PRKN: variants seen among roughly 807,000 people sequenced by gnomAD.
PRKN encodes parkin RBR E3 ubiquitin protein ligase.
PRKN carries 56 observed loss-of-function variants against 59.5 expected under a neutral mutation model. The observed-to-expected ratio is 0.94, with a 90% CI of 0.76 to 1.18. PRKN has a LOEUF of 1.18. PRKN is among the 50% of genes most tolerant of loss of function. The pLI, the probability that PRKN is intolerant of heterozygous loss-of-function variation, is 0.00. For missense variants in PRKN, 657 were observed against 596.4 expected, an observed-to-expected ratio of 1.10 and a Z score of -1.06; for synonymous variants, 250 against 222.1, an observed-to-expected ratio of 1.13 and a Z score of -1.12.
At chr6:161,910,622 G>T (rs1778324199) in intron 6 of PRKN, among the ~76,000 whole-genome samples, 1 of 152,196 alleles carries the variant, frequency 6.6e-6, no homozygotes, top group East Asian at 1.9e-4. Context: ...TGAGAGGAAT[G>T]ACTCCAATTT....
chr6:161,666,682 T>C (rs1311772863), intron 7 of PRKN, among the ~76,000 whole-genome samples: 3 of 152,230 alleles, frequency 2.0e-5, no homozygotes, highest in Non-Finnish European at 4.4e-5. Flanking sequence ...TTTTAAAACA[T>C]ATTTTATTAA....
rs1562356589 is a variant in PRKN at position 161,874,971 on chromosome 6, ATT to A, written c.735-89065_735-89064del. ...ATAGGTACTTTATATATAATATATA[ATT>A]TATTATATTATATACTTTATATATA... On this transcript the variant is annotated intron_variant, in intron 6 of 11. Transcript: ENST00000366898. Among the ~76,000 whole-genome samples, 407 of 105,918 alleles carry A rather than the reference ATT, an allele frequency of 3.8e-3. 24 individuals are homozygous for A. Among genetic ancestry groups the A allele is most frequent in the African/African-American group, 0.017 (387 of 22,280 alleles). 69.5% of individuals were successfully genotyped at this position (105,918 alleles called of 152,430 possible). A position where few individuals can be genotyped will look rare whatever the true frequency, so the allele number is the denominator to read the frequency against.
chr6:161,616,033 C>T lies in PRKN; in HGVS notation c.872-46617G>A, dbSNP rs1782680463. Among the ~76,000 whole-genome samples, 3 of 152,148 alleles carry T rather than the reference C, an allele frequency of 2.0e-5. No homozygotes were observed. In the South Asian group the frequency reaches 6.2e-4, roughly 32 times the overall value. On this transcript the variant is annotated intron_variant, in intron 7 of 11. Coordinates refer to ENST00000366898, the MANE Select transcript of PRKN (RefSeq NM_004562.3). Reference sequence around the variant, plus strand: ...GGGTCTCCCGTCTCTCTTCTGGCCGCTCTCTCTCCCCAGCCCTCCTCCTAG... The same window carrying T: ...GGGTCTCCCGTCTCTCTTCTGGCCGTTCTCTCTCCCCAGCCCTCCTCCTAG...
At chr6:162,014,181 A>T (rs1183019170) in intron 5 of PRKN, among the ~76,000 whole-genome samples, 1 of 152,172 alleles carries the variant, frequency 6.6e-6, no homozygotes. Context: ...ATCAGCAGAC[A>T]TGCATACTTT....
intron 7 of PRKN, among the ~76,000 whole-genome samples, chr6:161,743,929 T>C (rs558779029): frequency 6.1e-4 from 93 of 152,240 alleles, no homozygotes; most frequent in African/African-American, 2.1e-3. Context: ...GCGTCTTTGC[T>C]AGAAACAAGT....
intron 9 of PRKN, among the ~76,000 whole-genome samples, chr6:161,479,967 G>A (rs1371908220): frequency 1.3e-5 from 2 of 152,200 alleles, no homozygotes; most frequent in Admixed American, 1.3e-4. Context: ...TCATCCAGGT[G>A]AGAGCTTTAA....
chr6:161,504,053 A>G (rs1002954456), intron 9 of PRKN, among the ~76,000 whole-genome samples: 1 of 152,186 alleles, frequency 6.6e-6, no homozygotes, highest in African/African-American at 2.4e-5. Flanking sequence ...AAAGGTATTA[A>G]TATATTTAAA....
chr6:161,938,328 C>A (rs568553193), intron 6 of PRKN, among the ~76,000 whole-genome samples: 1 of 152,258 alleles, frequency 6.6e-6, no homozygotes, highest in Non-Finnish European at 1.5e-5. Flanking sequence ...ACATGTTATA[C>A]AGGTATAACC....
chr6:162,306,113 C>A (rs1032172807), intron 2 of PRKN, among the ~76,000 whole-genome samples: 15 of 151,666 alleles, frequency 9.9e-5, no homozygotes, highest in African/African-American at 2.7e-4. Context: ...CCCTTTCTCC[C>A]AAATAGTATA....
chr6:161,965,108 C>T (rs1562423496), intron 6 of PRKN, among the ~76,000 whole-genome samples: 1 of 152,038 alleles, frequency 6.6e-6, no homozygotes, highest in Non-Finnish European at 1.5e-5. Flanking sequence ...CATTCTCCCC[C>T]AGGAACACCT....
At chr6:161,406,127 CACACACATATATATACATATAT>C (rs1262385437) in intron 9 of PRKN, among the ~76,000 whole-genome samples, 2 of 151,572 alleles carry the variant, frequency 1.3e-5, no homozygotes, top group Non-Finnish European at 2.9e-5. Flanking sequence ...CACATATATA[CACACACATATATATACATATAT>C]ACACACATAT....
intron 2 of PRKN, among the ~76,000 whole-genome samples, chr6:162,291,273 T>C (rs896823364): frequency 5.3e-5 from 8 of 152,102 alleles, no homozygotes; most frequent in East Asian, 1.9e-4. Flanking sequence ...GGCCAGTTCA[T>C]TGGCATCGTC....
intron 1 of PRKN, among the ~76,000 whole-genome samples, chr6:162,645,864 T>TGG (rs1778151447): frequency 9.4e-6 from 1 of 106,940 alleles, no homozygotes; most frequent in Admixed American, 1.0e-4. Flanking sequence ...TGCATAAACT[T>TGG]TCTCTTTTTT....
In PRKN at chr6:161,349,842, C is replaced by A; in HGVS notation, c.*257G>T. ...GTTGGTGGTGTCGCAGATGGCTCTG[C>A]TGTCTTGTGTGGACAAACTGAAAGG... is the stretch of plus-strand genomic sequence containing the variant. On this transcript the variant is annotated 3_prime_UTR_variant, in exon 12 of 12. Coordinates refer to ENST00000366898, the MANE Select transcript of PRKN (RefSeq NM_004562.3). The surrounding 1 kb of genome is among the most constrained non-coding windows in gnomAD (Gnocchi z 5.5). 1 of 558,658 alleles carries A rather than the reference C, an allele frequency of 1.8e-6. No individual in the cohort carries two copies. Among genetic ancestry groups the A allele is most frequent in the South Asian group, 2.0e-5 (1 of 49,902 alleles). The allele number at this position is 558,658 out of a possible 1,614,324, so 34.6% of individuals were successfully genotyped here. A position where few individuals can be genotyped will look rare whatever the true frequency, so the allele number is the denominator to read the frequency against.
chr6:161,920,087 G>A (rs1446053414), intron 6 of PRKN, among the ~76,000 whole-genome samples: 1 of 152,136 alleles, frequency 6.6e-6, no homozygotes, highest in Non-Finnish European at 1.5e-5. Context: ...GAATACTGTT[G>A]GAAACCATAA....
intron 7 of PRKN, among the ~76,000 whole-genome samples, chr6:161,765,447 C>G (rs1359958951): frequency 1.3e-5 from 2 of 152,134 alleles, no homozygotes; most frequent in African/African-American, 2.4e-5. Flanking sequence ...AAATTACAGC[C>G]TAGACGTTTG....
intron 2 of PRKN, chr6:162,269,973 G>C (rs931131888): frequency 3.9e-5 from 6 of 152,134 alleles, no homozygotes; most frequent in African/African-American, 1.4e-4. Flanking sequence ...ATTCCTTAGA[G>C]AATCTAAAAG....
chr6:162,384,410 T>C (rs1442296979), intron 2 of PRKN, among the ~76,000 whole-genome samples: 5 of 151,936 alleles, frequency 3.3e-5, no homozygotes, highest in African/African-American at 9.7e-5. Flanking sequence ...TGCTGGTCAG[T>C]GGAGCAGTCA....
intron 2 of PRKN, among the ~76,000 whole-genome samples, chr6:162,272,999 G>GAAAAAAA (rs548215878): frequency 3.6e-5 from 2 of 55,024 alleles, no homozygotes; most frequent in Non-Finnish European, 7.2e-5. Flanking sequence ...GCCTGTGTCT[G>GAAAAAAA]AAAAAAAAAA....
Sources: allele counts gnomAD v4.1 joint callset (sites outside exome capture counted in the v4.1 genomes callset), GRCh38; gene constraint gnomAD v4.1.1; non-coding constraint Gnocchi (gnomAD v3.1); transcripts MANE v1.5; gene names NCBI Gene and HGNC (gene_info 2026-07-23, HGNC 2026-07-21).